Variants in GOLGA3 observed in about 807,000 individuals in gnomAD.
GOLGA3 encodes the protein golgin A3.
In GOLGA3, 75 loss-of-function variants were observed where a neutral mutation model predicts 169.4. The observed-to-expected ratio is 0.44, with a 90% CI of 0.37 to 0.54. The LOEUF (loss-of-function observed/expected upper bound fraction) is 0.54. GOLGA3 is among the 20% of genes least tolerant of loss of function. The pLI is 0.00. For synonymous variants in GOLGA3, 824 were observed against 822.4 expected, an observed-to-expected ratio of 1.00 and a Z score of -0.03; for missense variants, 1,899 against 1,930.0, an observed-to-expected ratio of 0.98 and a Z score of 0.30.
rs755866220 is a variant in GOLGA3, at chr12:132,782,307, A to G, written c.3454T>C (p.Leu1152=). ...ACGAGTTTGAATACCTGAAGGTTCA[A>G]CTGGACTAGGTCTGCCTCCCTCTTG... ...LAKREADLVQ[L]NLQVQAVLQR... is the part of the protein sequence containing the mutation. The change falls in exon 17 of 24, where the codon TTG becomes CTG. Residue 1152 remains leucine (L), a synonymous_variant. Coordinates refer to ENST00000450791, the MANE Select transcript of GOLGA3 (RefSeq NM_001389683.1). 16 of 1,613,834 alleles carry G rather than the reference A, an allele frequency of 9.9e-6. No homozygotes were observed. Among genetic ancestry groups the G allele is most frequent in the Admixed American group, 8.3e-5 (5 of 60,024 alleles).
intron 18 of GOLGA3, among the ~76,000 whole-genome samples, chr12:132,778,489 T>C (rs1566071475): frequency 1.4e-5 from 2 of 148,134 alleles, no homozygotes; most frequent in Non-Finnish European, 3.0e-5. Context: ...GAGAATGGCG[T>C]GAACCCGGGA....
intron 9 of GOLGA3, among the ~76,000 whole-genome samples, chr12:132,797,709 C>T (rs1271270666): frequency 6.6e-6 from 1 of 151,186 alleles, no homozygotes; most frequent in African/African-American, 2.4e-5. Flanking sequence ...CAAAATTCCA[C>T]CTCAAAAAAA....
rs2044898941 is a variant in GOLGA3, at chr12:132,771,606, G to C, written c.*1499C>G. 1 of 152,078 alleles carries C rather than the reference G, an allele frequency of 6.6e-6. No homozygotes were observed. The highest frequency in any genetic ancestry group is 2.1e-4 in the South Asian group (1 of 4,820). The allele number at this position is 152,078 out of a possible 1,614,324, so 9.4% of individuals were successfully genotyped here. A position where few individuals can be genotyped will look rare whatever the true frequency, so the allele number is the denominator to read the frequency against. On this transcript the variant is annotated 3_prime_UTR_variant, in exon 24 of 24. Transcript: ENST00000450791. ...GCCACCTTCCTCACGGTGCCTGCCT[G>C]TCTCTTCCGGAAGTCGCCTCTGCTT...
Position 132,772,839 on chromosome 12 carries a change from C to A in GOLGA3, c.*266G>T. 1 of 370,292 alleles carries A rather than the reference C, an allele frequency of 2.7e-6. No individual in the cohort carries two copies. The highest frequency in any genetic ancestry group is 4.9e-6 in the Non-Finnish European group (1 of 202,066). The allele number at this position is 370,292 out of a possible 1,614,324, so 22.9% of individuals were successfully genotyped here. On this transcript the variant is annotated 3_prime_UTR_variant, in exon 24 of 24. Coordinates refer to ENST00000450791, the MANE Select transcript of GOLGA3 (RefSeq NM_001389683.1). ...GTGGCCGCTCAGAAGCCACGACCTACAAGTAACCCTTCAGACACGTTCAAA... is the reference window on the plus strand; with the variant it reads ...GTGGCCGCTCAGAAGCCACGACCTAAAAGTAACCCTTCAGACACGTTCAAA...
intron 23 of GOLGA3, 41 bp downstream of exon 23, chr12:132,774,116 C>G: frequency 6.6e-7 from 1 of 1,526,232 alleles, no homozygotes; most frequent in South Asian, 1.3e-5. Flanking sequence ...GGGCATTAAT[C>G]TTTAAGACTA....
intron 9 of GOLGA3, among the ~76,000 whole-genome samples, 155 bp from the exon 10 acceptor site, chr12:132,796,855 G>A (rs1948866287): frequency 6.6e-6 from 1 of 152,234 alleles, no homozygotes; most frequent in Admixed American, 6.5e-5. Context: ...GGCCCAGGAT[G>A]GGCAGCTTGG....
chr12:132,802,015 G>A (rs763612854), intron 7 of GOLGA3, 46 bp from the exon 8 acceptor site: 2 of 1,513,122 alleles, frequency 1.3e-6, no homozygotes, highest in South Asian at 1.1e-5. Flanking sequence ...ACGGCCAACG[G>A]GGGAGTCCGC....
intron 23 of GOLGA3, 75 bp from the exon 24 acceptor site, chr12:132,773,369 C>G: frequency 1.1e-6 from 1 of 927,664 alleles, no homozygotes; most frequent in Non-Finnish European, 1.5e-6. Context: ...TGGACAGCGT[C>G]ACTCGCTAGC....
At position 132,786,673 on chromosome 12, in the gene GOLGA3, C is replaced by G. The variant is rs377750920; in HGVS notation, c.2906+20G>C. The G allele has an allele frequency of 3.3e-5, 52 of 1,587,792 alleles. No individual in the cohort carries two copies. The highest frequency in any genetic ancestry group is 4.0e-5 in the African/African-American group (3 of 74,180). ...CTCCCACCTGGCCCCCGCACCTCCC[C>G]CGGGCACATGCAGACTTACTTCCGG... On this transcript the variant is annotated intron_variant, in intron 14 of 23. Coordinates refer to ENST00000450791, the MANE Select transcript of GOLGA3 (RefSeq NM_001389683.1).
chr12:132,778,983 C>T (rs1021705344), intron 18 of GOLGA3, among the ~76,000 whole-genome samples: 28 of 150,964 alleles, frequency 1.9e-4, no homozygotes, highest in Non-Finnish European at 1.6e-4. Flanking sequence ...GCCTGAACCA[C>T]GGCCCAGCAG....
rs139706790 is a variant in GOLGA3 at position 132,798,364 on chromosome 12, G to A, written c.1914C>T (p.Ile638=). 33 of 1,612,922 alleles carry A rather than the reference G, an allele frequency of 2.0e-5. No homozygotes were observed. Among genetic ancestry groups the A allele is most frequent in the Middle Eastern group, 1.7e-4 (1 of 6,060 alleles). The part of the protein sequence containing the change: ...QHRSMKEKGR[I]AAQLQGIEAD... ...CCTCAATGCCCTGCAGCTGTGCCGC[G>A]ATGCGCCCCTTCTCCTTCATGGACC... The change falls in exon 9 of 24, where the codon ATC becomes ATT. Residue 638 remains isoleucine (I), a synonymous_variant. Coordinates refer to ENST00000450791, the MANE Select transcript of GOLGA3 (RefSeq NM_001389683.1).
At chr12:132,789,322 G>T in intron 12 of GOLGA3, 32 bp from the exon 13 acceptor site, 1 of 1,533,224 alleles carries the variant, frequency 6.5e-7, no homozygotes, top group Non-Finnish European at 8.7e-7. Context: ...AGCGGACGCT[G>T]GGCGGCGGGG....
At chr12:132,810,435 T>C (rs941959106) in intron 4 of GOLGA3, among the ~76,000 whole-genome samples, 4 of 152,162 alleles carry the variant, frequency 2.6e-5, no homozygotes, top group African/African-American at 9.7e-5. Flanking sequence ...ATAAGAATAG[T>C]TATACCAGAT....
intron 12 of GOLGA3, among the ~76,000 whole-genome samples, chr12:132,790,057 C>T (rs972560797): frequency 1.1e-4 from 16 of 151,906 alleles, no homozygotes; most frequent in Non-Finnish European, 1.5e-4. Context: ...ACAGGCCGGG[C>T]GTGGTGGCTC....
At position 132,822,059 on chromosome 12, in the gene GOLGA3, G is replaced by C; in HGVS notation, c.70C>G (p.Pro24Ala). 6.2e-7 allele frequency: 1 copy of C among 1,606,188 alleles called. No homozygotes were observed. Among genetic ancestry groups the C allele is most frequent in the South Asian group, 1.1e-5 (1 of 90,246 alleles). ...DRSHSGPSSLPEAPLKPPGPL... is the reference protein window; with the variant it reads ...DRSHSGPSSLAEAPLKPPGPL... ...CCCGGGGGCTTCAGTGGGGCCTCGG[G>C]GAGAGACGAGGGGCCACTGTGGGAT... Residue 24 changes from proline to alanine, a missense_variant, in exon 2 of 24, where the codon CCC becomes GCC. Physicochemically the swap from Pro to Ala is conservative, Grantham distance 27. Coordinates refer to ENST00000450791, the MANE Select transcript of GOLGA3 (RefSeq NM_001389683.1).
intron 15 of GOLGA3, among the ~76,000 whole-genome samples, chr12:132,784,868 A>T (rs1357306624): frequency 6.6e-6 from 1 of 151,842 alleles, no homozygotes; most frequent in African/African-American, 2.4e-5. Context: ...CACACCATGC[A>T]CACAAACACT....
Position 132,822,067 on chromosome 12 carries a change from G to A in GOLGA3, c.62C>T (p.Ser21Leu), listed in dbSNP as rs776795635. 11 of 1,606,556 alleles carry A rather than the reference G, an allele frequency of 6.8e-6. 1 individual carries two copies. Among genetic ancestry groups the A allele is most frequent in the Admixed American group, 3.4e-5 (2 of 58,196 alleles). ...LQEDRSHSGP[S>L]SLPEAPLKPP... is the part of the protein sequence containing the mutation. ...CTTCAGTGGGGCCTCGGGGAGAGAC[G>A]AGGGGCCACTGTGGGATCTGTCCTC... Residue 21 changes from serine to leucine, a missense_variant, in exon 2 of 24, where the codon TCG becomes TTG. Ser to Leu is a moderately radical substitution (Grantham distance 145, BLOSUM62 -2). Coordinates refer to ENST00000450791, the MANE Select transcript of GOLGA3 (RefSeq NM_001389683.1).
At chr12:132,819,615 A>G (rs2136749743) in intron 2 of GOLGA3, among the ~76,000 whole-genome samples, 1 of 152,390 alleles carries the variant, frequency 6.6e-6, no homozygotes, top group South Asian at 2.1e-4. Context: ...AAGAAAAACC[A>G]GAATAAAAGC....
In GOLGA3 at chr12:132,777,937, C is replaced by T. The variant is rs1319290088; in HGVS notation, c.3583-132G>A. ...CTGCCGGCGTGTGCTTCTCCACAGG[C>T]CTGTCAAGTTCCTTGTAAAGATGAA... is the stretch of plus-strand genomic sequence containing the variant. On this transcript the variant is annotated intron_variant, in intron 18 of 23. Coordinates refer to ENST00000450791, the MANE Select transcript of GOLGA3 (RefSeq NM_001389683.1). The surrounding 1 kb of genome is among the most constrained non-coding windows in gnomAD (Gnocchi z 4.7). The T allele has an allele frequency of 1.0e-6, 1 of 962,554 alleles. No homozygotes were observed. The highest frequency in any genetic ancestry group is 2.8e-5 in the Admixed American group (1 of 36,362). 59.6% of individuals were successfully genotyped at this position (962,554 alleles called of 1,614,324 possible).
Sources: gnomAD v4.1 joint callset for allele counts (sites outside exome capture counted in the v4.1 genomes callset) on GRCh38, gnomAD v4.1.1 for gene constraint, Gnocchi (gnomAD v3.1) non-coding constraint, MANE v1.5 for transcripts, NCBI Gene and HGNC (gene_info 2026-07-23, HGNC 2026-07-21) for gene names.